The following ANXA2 variants were observed in gnomAD, a reference collection of about 807,000 sequenced individuals.
ANXA2 encodes annexin A2.
Under a neutral mutation model 47.3 loss-of-function variants are expected in ANXA2, and 28 were observed. The ratio of observed to expected loss-of-function variants is 0.59; its 90% CI spans 0.44 to 0.81. ANXA2 has a LOEUF of 0.81. Among genes scored for constraint, ANXA2 ranks in the 40% least tolerant of loss-of-function variants. ANXA2 has a pLI of 0.00. For missense variants in ANXA2, 384 were observed against 414.3 expected (o/e 0.93, Z 0.64); for synonymous variants, 172 against 155.5 (o/e 1.11, Z -0.79).
At chr15:60,390,153 C>A in intron 1 of ANXA2, 2 of 428,682 alleles carry the variant, frequency 4.7e-6, no homozygotes, top group South Asian at 6.9e-5. Flanking sequence ...TATGTATAAC[C>A]ATTTTGCAGA....
chr15:60,392,859 G>T (rs1398237248), intron 1 of ANXA2, among the ~76,000 whole-genome samples: 1 of 151,862 alleles, frequency 6.6e-6, no homozygotes, highest in Non-Finnish European at 1.5e-5. Flanking sequence ...AGGTGGGAGT[G>T]TGGAGAGTTG....
rs1490416097 is a variant in ANXA2 at position 60,352,111 on chromosome 15, G to A, written c.682+272C>T. On this transcript the variant is annotated intron_variant, in intron 9 of 12. Coordinates refer to ENST00000451270, the MANE Select transcript of ANXA2 (RefSeq NM_004039.3). This position sits in a 1 kb window ranked among gnomAD's most constrained non-coding sequence, Gnocchi z 4.2. ...AACCATAGGAAACAGTACAGAGCAT[G>A]CACCAAAGTCCACTACTTCAACAAA... is the stretch of plus-strand genomic sequence containing the variant. Among the ~76,000 whole-genome samples the A allele has an allele frequency of 6.6e-6, 1 of 152,164 alleles. No individual in the cohort carries two copies. The highest frequency in any genetic ancestry group is 2.4e-5 in the African/African-American group (1 of 41,434).
chr15:60,388,768 T>TTC (rs1209050277), intron 1 of ANXA2, among the ~76,000 whole-genome samples: 1 of 149,688 alleles, frequency 6.7e-6, no homozygotes, highest in East Asian at 2.0e-4. Context: ...GAGACAGGGT[T>TTC]TCTCTCTCTG....
At chr15:60,388,892 C>T in intron 1 of ANXA2, among the ~76,000 whole-genome samples, 1 of 130,284 alleles carries the variant, frequency 7.7e-6, no homozygotes, top group African/African-American at 2.7e-5. Context: ...CAGGCGTGTG[C>T]CACTACACCT....
chr15:60,376,402 C>T (rs1036384416), intron 3 of ANXA2, among the ~76,000 whole-genome samples: 7 of 151,332 alleles, frequency 4.6e-5, no homozygotes, highest in South Asian at 2.1e-4. Context: ...AAGAAGACGA[C>T]GACGACAGAT....
chr15:60,383,313 G>C (rs1481903431), intron 2 of ANXA2: 2 of 152,232 alleles, frequency 1.3e-5, no homozygotes, highest in Non-Finnish European at 2.9e-5. Flanking sequence ...ATTTTTTGTA[G>C]AGACAGGATT....
chr15:60,372,644 C>T (rs28676840), intron 3 of ANXA2, among the ~76,000 whole-genome samples: 59,272 of 151,186 alleles, frequency 0.39, 11,974 homozygotes, highest in Admixed American at 0.53. Context: ...TGTGGCTTCA[C>T]TACCCTATAG....
intron 3 of ANXA2, among the ~76,000 whole-genome samples, chr15:60,376,617 C>T (rs537916936): frequency 2.6e-5 from 4 of 152,292 alleles, no homozygotes; most frequent in South Asian, 4.2e-4. Context: ...GAAAAGTAGC[C>T]TCTCTCCTCT....
chr15:60,360,166 G>C (rs2062492543), intron 5 of ANXA2, among the ~76,000 whole-genome samples: 3 of 152,308 alleles, frequency 2.0e-5, no homozygotes, highest in South Asian at 4.1e-4. Context: ...TGAGGCAGGA[G>C]AATCTCTTGA....
intron 3 of ANXA2, among the ~76,000 whole-genome samples, chr15:60,369,371 C>T (rs371453942): frequency 3.4e-4 from 52 of 152,298 alleles, no homozygotes; most frequent in Middle Eastern, 3.4e-3. Flanking sequence ...TGTTTATTAA[C>T]GTGTTTTGCC....
chr15:60,397,149 G>A, intron 1 of ANXA2: 1 of 502,346 alleles, frequency 2.0e-6, no homozygotes, highest in Non-Finnish European at 2.6e-6. Context: ...CGGCCAGAAG[G>A]GAGAGGCCCC....
At position 60,372,151 on chromosome 15, in the gene ANXA2, A is replaced by AAAT. The variant is rs572562926; in HGVS notation, c.149-7631_149-7629dup. ...GCAACAAGAGCGAAACTCTATCTCA[A>AAAT]AATAATAATAATAATAATAGTAACC... On this transcript the variant is annotated intron_variant, in intron 3 of 12. Coordinates refer to ENST00000451270, the MANE Select transcript of ANXA2 (RefSeq NM_004039.3). Among the ~76,000 whole-genome samples, 384 of 152,054 alleles carry AAAT rather than the reference A, an allele frequency of 2.5e-3. 2 individuals are homozygous for AAAT. The highest frequency in any genetic ancestry group is 1.1e-3 in the African/African-American group (47 of 41,492).
intron 7 of ANXA2, 115 bp from the exon 8 acceptor site, chr15:60,354,328 G>GT (rs1264917636): frequency 1.1e-5 from 10 of 873,736 alleles, no homozygotes; most frequent in Non-Finnish European, 1.6e-5. Flanking sequence ...AAGTAACCAC[G>GT]TAAGATTTTT....
intron 1 of ANXA2, chr15:60,396,021 A>C (rs539545109): frequency 6.6e-6 from 1 of 152,336 alleles, no homozygotes; most frequent in East Asian, 1.9e-4. Flanking sequence ...CTTACCAAAA[A>C]TCTTCCTTAA....
intron 12 of ANXA2, 95 bp from the exon 13 acceptor site, chr15:60,347,784 C>A: frequency 8.1e-6 from 9 of 1,110,446 alleles, no homozygotes; most frequent in Non-Finnish European, 1.2e-5. Flanking sequence ...AATGAAGCTT[C>A]TCCCATGACA....
At chr15:60,394,472 G>A (rs1302787712) in intron 1 of ANXA2, 1 of 152,314 alleles carries the variant, frequency 6.6e-6, no homozygotes, top group African/African-American at 2.4e-5. Flanking sequence ...GCCGAGACAG[G>A]CGGATCACTT....
At chr15:60,361,955 C>T (rs894030485) in intron 4 of ANXA2, among the ~76,000 whole-genome samples, 10 of 151,568 alleles carry the variant, frequency 6.6e-5, no homozygotes, top group African/African-American at 2.2e-4. Context: ...TTTCTAAGAG[C>T]ACCTGTGGCA....
Position 60,347,249 on chromosome 15 carries a change from T to A in ANXA2, c.*381A>T, listed in dbSNP as rs116928563. On this transcript the variant is annotated 3_prime_UTR_variant, in exon 13 of 13. Transcript: ENST00000451270. ...CAGCTCAGTCCCAGAGCTTTCTTCC[T>A]ACAGGGACAGCCTCACCAGCTGAAC... is the stretch of plus-strand genomic sequence containing the variant. The A allele has an allele frequency of 3.6e-3, 907 of 252,380 alleles. 16 individuals carry two copies. Among genetic ancestry groups the A allele is most frequent in the East Asian group, 0.031 (331 of 10,524 alleles). The allele number at this position is 252,380 out of a possible 1,614,324, so 15.6% of individuals were successfully genotyped here. A position where few individuals can be genotyped will look rare whatever the true frequency, so the allele number is the denominator to read the frequency against.
At position 60,353,641 on chromosome 15, in the gene ANXA2, C is replaced by T. The variant is rs374957284; in HGVS notation, c.588+513G>A. Among the ~76,000 whole-genome samples the T allele has an allele frequency of 3.9e-5, 6 of 152,284 alleles. No homozygotes were observed. The South Asian group carries it at 8.3e-4, about 21-fold the overall frequency. Reference sequence around the variant, plus strand: ...CTCCCTTCCAAAGGAAGAGCCTAATCCCCTCCCACTGAGTGTGGGCTAGAC... The same window carrying T: ...CTCCCTTCCAAAGGAAGAGCCTAATTCCCTCCCACTGAGTGTGGGCTAGAC... On this transcript the variant is annotated intron_variant, in intron 8 of 12. Coordinates refer to ENST00000451270, the MANE Select transcript of ANXA2 (RefSeq NM_004039.3).
Sources: allele counts gnomAD v4.1 joint callset (sites outside exome capture counted in the v4.1 genomes callset), GRCh38; gene constraint gnomAD v4.1.1; non-coding constraint Gnocchi (gnomAD v3.1); transcripts MANE v1.5; gene names NCBI Gene and HGNC (gene_info 2026-07-23, HGNC 2026-07-21).